AGAP1: variants seen among roughly 807,000 people sequenced by gnomAD.
AGAP1 encodes ArfGAP with GTPase domain, ankyrin repeat and PH domain 1.
A neutral mutation model predicts 105.3 loss-of-function variants in AGAP1; 29 were observed. The ratio of observed to expected loss-of-function variants is 0.28; its 90% CI spans 0.21 to 0.38. AGAP1 has a LOEUF of 0.38. AGAP1 is among the 10% of genes least tolerant of loss of function. The pLI is 1.00. For synonymous variants in AGAP1, 509 were observed against 485.9 expected, an observed-to-expected ratio of 1.05 and a Z score of -0.63; for missense variants, 998 against 1,165.1, an observed-to-expected ratio of 0.86 and a Z score of 2.09.
At chr2:235,646,353 T>C (rs1196623333) in intron 1 of AGAP1, among the ~76,000 whole-genome samples, 1 of 151,972 alleles carries the variant, frequency 6.6e-6, no homozygotes, top group East Asian at 1.9e-4. Flanking sequence ...TTAACAGTTA[T>C]GAATAGAATC....
chr2:235,686,141 CTTT>C (rs1949368352), intron 1 of AGAP1, among the ~76,000 whole-genome samples: 1 of 152,014 alleles, frequency 6.6e-6, no homozygotes, highest in South Asian at 2.1e-4. Flanking sequence ...TTCCACAGGT[CTTT>C]TTAGGAATTT....
intron 9 of AGAP1, among the ~76,000 whole-genome samples, chr2:235,808,725 A>G (rs899647549): frequency 2.6e-5 from 4 of 152,200 alleles, no homozygotes; most frequent in South Asian, 4.1e-4. Context: ...TGTAAGATAC[A>G]TGATCATCTA....
At chr2:235,717,386 G>C (rs1370374794) in intron 2 of AGAP1, among the ~76,000 whole-genome samples, 171 bp from the exon 3 acceptor site, 1 of 152,178 alleles carries the variant, frequency 6.6e-6, no homozygotes, top group Non-Finnish European at 1.5e-5. Context: ...TAAGAGTGTT[G>C]GACTCCCTTT....
rs1159393992 is a variant in AGAP1, at chr2:235,983,833, C to T, written c.1645+15210C>T. On this transcript the variant is annotated intron_variant, in intron 13 of 17. Transcript: ENST00000304032. This position sits in a 1 kb window ranked among gnomAD's most constrained non-coding sequence, Gnocchi z 4.5. ...ATGTATGGACTCTGTGATGGTCACA[C>T]AATGACAAAATCGCCTAACGACACA... Among the ~76,000 whole-genome samples, 1 of 152,190 alleles carries T rather than the reference C, an allele frequency of 6.6e-6. No homozygotes were observed. The highest frequency in any genetic ancestry group is 2.4e-5 in the African/African-American group (1 of 41,442).
chr2:235,717,454 A>T, intron 2 of AGAP1, 103 bp from the exon 3 acceptor site: 1 of 896,752 alleles, frequency 1.1e-6, no homozygotes, highest in Non-Finnish European at 1.7e-6. Context: ...GTGCTTGGTT[A>T]TGTTTGTGTT....
rs374926915 is a variant in AGAP1, at chr2:235,801,796, G to C, written c.957+2274G>C. ...TGTGTCTTTGTTAAGGGAGTGGAAG[G>C]GGGAGAGCACTCATTCTCAGACGCC... On this transcript the variant is annotated intron_variant, in intron 8 of 17. Coordinates refer to ENST00000304032, the MANE Select transcript of AGAP1 (RefSeq NM_001037131.3). The surrounding 1 kb of genome is among the most constrained non-coding windows in gnomAD (Gnocchi z 6.0). Among the ~76,000 whole-genome samples, 1 of 152,120 alleles carries C rather than the reference G, an allele frequency of 6.6e-6. No homozygotes were observed. The highest frequency in any genetic ancestry group is 1.9e-4 in the East Asian group (1 of 5,180).
Position 236,050,201 on chromosome 2 carries a change from C to T in AGAP1, c.2114+920C>T, listed in dbSNP as rs1045732700. Among the ~76,000 whole-genome samples, 7 of 152,196 alleles carry T rather than the reference C, an allele frequency of 4.6e-5. No individual in the cohort carries two copies. Among genetic ancestry groups the T allele is most frequent in the Admixed American group, 6.5e-5 (1 of 15,278 alleles). On this transcript the variant is annotated intron_variant, in intron 16 of 17. Transcript: ENST00000304032. This position sits in a 1 kb window ranked among gnomAD's most constrained non-coding sequence, Gnocchi z 4.0. ...GTTCAAGTGGTAATCTGTGGTTACGCCACAGAAACCGGTTTCTACTGCAGA... is the reference window on the plus strand; with the variant it reads ...GTTCAAGTGGTAATCTGTGGTTACGTCACAGAAACCGGTTTCTACTGCAGA...
chr2:235,868,695 A>G (rs2049300263), intron 9 of AGAP1, among the ~76,000 whole-genome samples: 1 of 152,210 alleles, frequency 6.6e-6, no homozygotes, highest in African/African-American at 2.4e-5. Flanking sequence ...GAGTTTTAAT[A>G]TAAATTTATG....
In AGAP1 at chr2:235,760,011, CAT is replaced by C. The variant is rs200825581; in HGVS notation, c.673+9524_673+9525del. 6.1e-3 allele frequency among the ~76,000 whole-genome samples: 929 copies of C among 152,294 alleles called. 8 individuals are homozygous for C. The highest frequency in any genetic ancestry group is 0.02 in the African/African-American group (816 of 41,564). On this transcript the variant is annotated intron_variant, in intron 6 of 17. Transcript: ENST00000304032. ...TTACCCTCATGAAGCTATAAAAGCA[CAT>C]GTTTTACTGATGAGAGAAGCTTCTG... is the stretch of plus-strand genomic sequence containing the variant.
At chr2:235,816,126 A>G (rs1958436865) in intron 9 of AGAP1, among the ~76,000 whole-genome samples, 1 of 152,188 alleles carries the variant, frequency 6.6e-6, no homozygotes, top group Admixed American at 6.5e-5. Flanking sequence ...AGATAGCTAT[A>G]TACTCACTTC....
chr2:235,503,030 A>C (rs1168513100), intron 1 of AGAP1, among the ~76,000 whole-genome samples: 1 of 152,178 alleles, frequency 6.6e-6, no homozygotes, highest in African/African-American at 2.4e-5. Flanking sequence ...TTTTTTAAAA[A>C]ATTTATGAAC....
intron 1 of AGAP1, among the ~76,000 whole-genome samples, chr2:235,684,100 C>T (rs1001597258): frequency 1.8e-4 from 28 of 152,156 alleles, no homozygotes; most frequent in East Asian, 1.9e-4. Flanking sequence ...GGAATGCAGT[C>T]GCACGATCTC....
At chr2:235,598,507 C>T (rs1314677979) in intron 1 of AGAP1, among the ~76,000 whole-genome samples, 1 of 152,218 alleles carries the variant, frequency 6.6e-6, no homozygotes, top group South Asian at 2.1e-4. Context: ...TATGTCGTTT[C>T]GTTTAAAGTT....
rs1438080004 is a variant in AGAP1 at position 235,600,940 on chromosome 2, T to C, written c.163+106091T>C. ...CACCTGCAGCCTCCCCCATCTCAGC[T>C]GGTGCTCACTTTATTTTTACTGCTT... On this transcript the variant is annotated intron_variant, in intron 1 of 17. Transcript: ENST00000304032. This position sits in a 1 kb window ranked among gnomAD's most constrained non-coding sequence, Gnocchi z 4.8. Among the ~76,000 whole-genome samples, 1 of 152,196 alleles carries C rather than the reference T, an allele frequency of 6.6e-6. No homozygotes were observed. Among genetic ancestry groups the C allele is most frequent in the African/African-American group, 2.4e-5 (1 of 41,436 alleles).
intron 1 of AGAP1, among the ~76,000 whole-genome samples, chr2:235,676,581 G>T (rs2149381192): frequency 6.6e-6 from 1 of 152,316 alleles, no homozygotes; most frequent in South Asian, 2.1e-4. Context: ...ATAGTTAATT[G>T]TTAAGAATTT....
At chr2:235,514,014 G>A (rs1942265795) in intron 1 of AGAP1, among the ~76,000 whole-genome samples, 1 of 152,314 alleles carries the variant, frequency 6.6e-6, no homozygotes, top group African/African-American at 2.4e-5. Flanking sequence ...CTGTTGAGAT[G>A]CTTTGTGATG....
Position 236,056,192 on chromosome 2 carries a change from T to C in AGAP1, c.2114+6911T>C, listed in dbSNP as rs2058047402. Among the ~76,000 whole-genome samples the C allele has an allele frequency of 6.6e-6, 1 of 152,196 alleles. No individual in the cohort carries two copies. The highest frequency in any genetic ancestry group is 2.4e-5 in the African/African-American group (1 of 41,454). On this transcript the variant is annotated intron_variant, in intron 16 of 17. Transcript: ENST00000304032. This position sits in a 1 kb window ranked among gnomAD's most constrained non-coding sequence, Gnocchi z 4.6. ...GGATCTGCTTTTTCAAGGATAACTA[T>C]ACTTGCATTTGCCTTTGAACCAGAC...
rs530222791 is a variant in AGAP1 at position 235,882,385 on chromosome 2, G to T, written c.1051-960G>T. 3 of 1,537,282 alleles carry T rather than the reference G, an allele frequency of 2.0e-6. No individual in the cohort carries two copies. Among genetic ancestry groups the T allele is most frequent in the Admixed American group, 3.5e-5 (2 of 57,648 alleles). ...TCTTAGGAAATTTCACTCCGCTTCT[G>T]CCCAGTGGTCTCTTTGGTCGGCAGG... On this transcript the variant is annotated intron_variant, in intron 9 of 17. Transcript: ENST00000304032. The surrounding 1 kb of genome is among the most constrained non-coding windows in gnomAD (Gnocchi z 4.6).
rs1221456190 is a variant in AGAP1, at chr2:236,129,693, G to A, written c.*5571G>A. The A allele has an allele frequency of 6.6e-6, 1 of 152,176 alleles. No individual in the cohort carries two copies. The highest frequency in any genetic ancestry group is 1.5e-5 in the Non-Finnish European group (1 of 68,034). The allele number at this position is 152,176 out of a possible 1,614,324, so 9.4% of individuals were successfully genotyped here. A position where few individuals can be genotyped will look rare whatever the true frequency, so the allele number is the denominator to read the frequency against. On this transcript the variant is annotated 3_prime_UTR_variant, in exon 18 of 18. Transcript: ENST00000304032. The surrounding 1 kb of genome is among the most constrained non-coding windows in gnomAD (Gnocchi z 6.2). ...AAGAAATACTGCCCTTAAATAGACT[G>A]TTGAAATATTAATGGCCCCCCCATT...
Sources: allele counts gnomAD v4.1 joint callset (sites outside exome capture counted in the v4.1 genomes callset), GRCh38; gene constraint gnomAD v4.1.1; non-coding constraint Gnocchi (gnomAD v3.1); transcripts MANE v1.5; gene names NCBI Gene and HGNC (gene_info 2026-07-23, HGNC 2026-07-21).